The following ARHGEF18 variants were observed in gnomAD, a reference collection of about 807,000 sequenced individuals.
The protein encoded by ARHGEF18 is rho guanine nucleotide exchange factor 18.
ARHGEF18 carries 93 observed loss-of-function variants against 155.7 expected under a neutral mutation model. The observed-to-expected ratio is 0.60, with a 90% CI of 0.50 to 0.71. The LOEUF (loss-of-function observed/expected upper bound fraction) is 0.71, where lower values mean the gene tolerates loss of function less well. ARHGEF18 is among the 30% of genes least tolerant of loss of function. The pLI is 0.00. For synonymous variants in ARHGEF18, 742 were observed against 753.1 expected (o/e 0.99, Z 0.24); for missense variants, 1,593 against 1,816.1 (o/e 0.88, Z 2.23).
At position 7,404,692 on chromosome 19, in the gene ARHGEF18, G is replaced by A. The variant is rs769510303; in HGVS notation, c.967+21489G>A. ...TATTAAAAGGCCTTTTAGATAGATCGTGGAGCTAATCCGACCTGAACATCC... is the reference window on the plus strand; with the variant it reads ...TATTAAAAGGCCTTTTAGATAGATCATGGAGCTAATCCGACCTGAACATCC... On this transcript the variant is annotated intron_variant, in intron 10 of 28. Coordinates refer to ENST00000668164, the MANE Select transcript of ARHGEF18 (RefSeq NM_001367823.1). Among the ~76,000 whole-genome samples, 43 of 152,126 alleles carry A rather than the reference G, an allele frequency of 2.8e-4. 1 individual carries two copies. The highest frequency in any genetic ancestry group is 6.5e-4 in the Admixed American group (10 of 15,270).
chr19:7,469,756 C>T, intron 27 of ARHGEF18, 148 bp from the exon 28 acceptor site: 2 of 903,504 alleles, frequency 2.2e-6, no homozygotes, highest in Non-Finnish European at 3.4e-6. Flanking sequence ...TGGGGCTTAG[C>T]ATCTGAGCAG....
chr19:7,478,303 C>T, the ARHGEF18 span: 12 of 1,609,330 alleles, frequency 7.5e-6, no homozygotes, highest in Middle Eastern at 1.9e-4. Flanking sequence ...TGGGTGATCA[C>T]GGGCTCCTAC....
chr19:7,455,588 C>A (rs1046381309), intron 17 of ARHGEF18, among the ~76,000 whole-genome samples: 1 of 152,046 alleles, frequency 6.6e-6, no homozygotes, highest in Admixed American at 6.6e-5. Context: ...TCCTGGTGAC[C>A]CAGGAGCAGG....
intron 10 of ARHGEF18, among the ~76,000 whole-genome samples, chr19:7,418,161 G>A (rs1485007059): frequency 6.6e-6 from 1 of 152,194 alleles, no homozygotes; most frequent in African/African-American, 2.4e-5. Flanking sequence ...GTCAAGGAAA[G>A]TATTTGCTTT....
rs752147981 is a variant in ARHGEF18, at chr19:7,440,478, C to G, written c.1102C>G (p.Leu368Val). The G allele has an allele frequency of 1.1e-5, 17 of 1,596,776 alleles. No individual in the cohort carries two copies. The highest frequency in any genetic ancestry group is 1.4e-5 in the Non-Finnish European group (16 of 1,178,256). ...GAGCCCGGCTGGCCCTGGGACGCAACTCGGGTAAGCCAGGGTCCCCTCTGT... is the reference window on the plus strand; with the variant it reads ...GAGCCCGGCTGGCCCTGGGACGCAAGTCGGGTAAGCCAGGGTCCCCTCTGT... ...TPSPAGPGTQLGPITGEMDEA... is the reference protein window; with the variant it reads ...TPSPAGPGTQVGPITGEMDEA... Residue 368 changes from leucine (L) to valine (V), a missense_variant, in exon 11 of 29, where the codon CTC (leucine) becomes GTC (valine). Leu to Val is a conservative substitution (Grantham distance 32). Coordinates refer to ENST00000668164, the MANE Select transcript of ARHGEF18 (RefSeq NM_001367823.1). This position sits in a 1 kb window ranked among gnomAD's most constrained non-coding sequence, Gnocchi z 5.4.
At chr19:7,355,639 G>A (rs1275408487) in intron 1 of ARHGEF18, 41 of 985,308 alleles carry the variant, frequency 4.2e-5, no homozygotes, top group Non-Finnish European at 4.7e-5. Flanking sequence ...TGGCTGACTC[G>A]GTGCTCAACC....
downstream of ARHGEF18, chr19:7,473,368 A>G: frequency 2.2e-6 from 1 of 447,104 alleles, no homozygotes; most frequent in South Asian, 1.6e-5. Flanking sequence ...CCATATTAAA[A>G]AAGTAAAAGG....
In ARHGEF18 at chr19:7,470,850, G is replaced by C. The variant is rs1033176653; in HGVS notation, c.*552G>C. On this transcript the variant is annotated 3_prime_UTR_variant, in exon 29 of 29. Coordinates refer to ENST00000668164, the MANE Select transcript of ARHGEF18 (RefSeq NM_001367823.1). The surrounding 1 kb of genome is among the most constrained non-coding windows in gnomAD (Gnocchi z 5.9). ...ACTTCCCAAACAGAGCCCCACGCAGGTTCACCATGAACCTCAGGGTCAGGG... is the reference window on the plus strand; with the variant it reads ...ACTTCCCAAACAGAGCCCCACGCAGCTTCACCATGAACCTCAGGGTCAGGG... The C allele has an allele frequency of 1.0e-5, 4 of 401,136 alleles. No individual in the cohort carries two copies. Among genetic ancestry groups the C allele is most frequent in the Non-Finnish European group, 1.8e-5 (4 of 226,284 alleles). The allele number at this position is 401,136 out of a possible 1,614,324, so 24.8% of individuals were successfully genotyped here.
rs1971615274 is a variant in ARHGEF18 at position 7,395,097 on chromosome 19, C to T, written c.967+11894C>T. On this transcript the variant is annotated intron_variant, in intron 10 of 28. Transcript: ENST00000668164. This position sits in a 1 kb window ranked among gnomAD's most constrained non-coding sequence, Gnocchi z 5.0. ...CTGCCCCGCCTCCGAGGCGGGATCGCGCATGCGCTGCTCTCCTCGCGCGGC... is the reference window on the plus strand; with the variant it reads ...CTGCCCCGCCTCCGAGGCGGGATCGTGCATGCGCTGCTCTCCTCGCGCGGC... 1 of 985,430 alleles carries T rather than the reference C, an allele frequency of 1.0e-6. No homozygotes were observed. The highest frequency in any genetic ancestry group is 1.2e-6 in the Non-Finnish European group (1 of 829,998). 61.0% of individuals were successfully genotyped at this position (985,430 alleles called of 1,614,324 possible). A position where few individuals can be genotyped will look rare whatever the true frequency, so the allele number is the denominator to read the frequency against.
chr19:7,441,731 T>C lies in ARHGEF18; in HGVS notation c.1185T>C (p.Leu395=). 5 of 1,614,228 alleles carry C rather than the reference T, an allele frequency of 3.1e-6. No individual in the cohort carries two copies. Among genetic ancestry groups the C allele is most frequent in the Non-Finnish European group, 4.2e-6 (5 of 1,180,038 alleles). ...FKQTADDSLS[L]TSPNTESIFV... is the part of the protein sequence containing the mutation. ...AGACAGCTGATGACTCTCTGTCCCT[T>C]ACATCTCCAAACACCGAGTCCATTT... Residue 395 remains leucine, a synonymous_variant, in exon 12 of 29, where the codon CTT becomes CTC. Coordinates refer to ENST00000668164, the MANE Select transcript of ARHGEF18 (RefSeq NM_001367823.1).
At chr19:7,410,309 C>T (rs539965582) in intron 10 of ARHGEF18, among the ~76,000 whole-genome samples, 16 of 152,124 alleles carry the variant, frequency 1.1e-4, no homozygotes, top group Middle Eastern at 3.4e-3. Context: ...TTGGTTTCCT[C>T]TGTCCGTCTT....
intron 10 of ARHGEF18, among the ~76,000 whole-genome samples, chr19:7,430,726 G>A (rs1043505629): frequency 6.6e-6 from 1 of 152,130 alleles, no homozygotes; most frequent in Non-Finnish European, 1.5e-5. Flanking sequence ...GACTGCTTGA[G>A]CCCAGGAATT....
chr19:7,450,998 CTGTCCATTTCCGAGATGTTAATAT>C (rs1975405742), intron 15 of ARHGEF18, 127 bp from the exon 16 acceptor site: 1 of 728,402 alleles, frequency 1.4e-6, no homozygotes, highest in East Asian at 2.6e-5. Context: ...CAGGATCTTG[CTGTCCATTTCCGAGATGTTAATAT>C]GGGATCTTGC....
chr19:7,445,146 C>T (rs1029997423), intron 14 of ARHGEF18, among the ~76,000 whole-genome samples: 2 of 152,258 alleles, frequency 1.3e-5, no homozygotes, highest in Admixed American at 1.3e-4. Context: ...TGCTTTCAAC[C>T]GTTCAAAGCT....
At chr19:7,385,862 TCTCTCTCTCC>T (rs2044688325) in intron 10 of ARHGEF18, among the ~76,000 whole-genome samples, 10 of 97,464 alleles carry the variant, frequency 1.0e-4, no homozygotes, top group African/African-American at 4.4e-4. Context: ...TCTCTCTCTC[TCTCTCTCTCC>T]CCCCTCCCTC....
intron 18 of ARHGEF18, among the ~76,000 whole-genome samples, chr19:7,458,297 TAAAAA>T (rs35712455): frequency 2.7e-4 from 25 of 92,324 alleles, no homozygotes; most frequent in Non-Finnish European, 4.6e-4. Flanking sequence ...CAAGATAGTT[TAAAAA>T]AAAAAAAAAA....
chr19:7,375,354 A>AAAGG (rs560169946), intron 3 of ARHGEF18, among the ~76,000 whole-genome samples: 241 of 142,382 alleles, frequency 1.7e-3, no homozygotes, highest in African/African-American at 5.7e-3. Flanking sequence ...AAAAGAAAGA[A>AAAGG]AAGGAAGGAA....
intron 1 of ARHGEF18, among the ~76,000 whole-genome samples, chr19:7,350,985 G>A (rs151256639): frequency 0.02 from 3,002 of 151,918 alleles, 83 homozygotes; most frequent in African/African-American, 0.067. Flanking sequence ...TGTATTTTTA[G>A]TAGAGACAGG....
At chr19:7,373,463 G>GTT (rs534449492) in intron 3 of ARHGEF18, among the ~76,000 whole-genome samples, 7 of 87,162 alleles carry the variant, frequency 8.0e-5, no homozygotes, top group East Asian at 9.7e-4. Context: ...TTTTGTGTTT[G>GTT]TTTTTTTTTT....
Sources: gnomAD v4.1 joint callset for allele counts (sites outside exome capture counted in the v4.1 genomes callset) on GRCh38, gnomAD v4.1.1 for gene constraint, Gnocchi (gnomAD v3.1) non-coding constraint, MANE v1.5 for transcripts, NCBI Gene and HGNC (gene_info 2026-07-23, HGNC 2026-07-21) for gene names.